CCSER1: variants seen among roughly 807,000 people sequenced by gnomAD.
The protein encoded by CCSER1 is coiled-coil serine rich protein 1, also known as serine-rich coiled-coil domain-containing protein 1.
Under a neutral mutation model 82.0 loss-of-function variants are expected in CCSER1, and 41 were observed. The observed-to-expected ratio is 0.50, with a 90% CI of 0.39 to 0.65. CCSER1 has a LOEUF of 0.65. CCSER1 is among the 30% of genes least tolerant of loss of function. CCSER1 has a pLI of 0.00. For synonymous variants in CCSER1, 414 were observed against 383.9 expected (o/e 1.08, Z -0.92); for missense variants, 1,119 against 1,064.2 (o/e 1.05, Z -0.72).
At chr4:90,458,191 C>T (rs1560547577) in intron 4 of CCSER1, among the ~76,000 whole-genome samples, 1 of 152,036 alleles carries the variant, frequency 6.6e-6, no homozygotes, top group African/African-American at 2.4e-5. Flanking sequence ...CTTAGGAGAG[C>T]CCCTCCAACT....
chr4:91,552,076 A>AGAT (rs1180035936), intron 10 of CCSER1, among the ~76,000 whole-genome samples: 1 of 151,744 alleles, frequency 6.6e-6, no homozygotes, highest in African/African-American at 2.4e-5. Flanking sequence ...TCATTTTTTA[A>AGAT]GATAAAAATT....
chr4:90,292,282 G>A (rs974700036), intron 1 of CCSER1, among the ~76,000 whole-genome samples: 6 of 151,680 alleles, frequency 4.0e-5, no homozygotes, highest in African/African-American at 1.2e-4. Context: ...CTTTGAACTA[G>A]AAAAAATGAT....
At chr4:91,358,758 C>T (rs1298704085) in intron 10 of CCSER1, among the ~76,000 whole-genome samples, 3 of 152,108 alleles carry the variant, frequency 2.0e-5, no homozygotes, top group African/African-American at 4.8e-5. Context: ...TAATCCTCCT[C>T]GGGGGCCTGC....
chr4:90,219,675 T>G (rs905033919), intron 1 of CCSER1, among the ~76,000 whole-genome samples: 3 of 152,158 alleles, frequency 2.0e-5, no homozygotes, highest in African/African-American at 7.2e-5. Flanking sequence ...CTACTTGTAT[T>G]GGGCATATGG....
intron 10 of CCSER1, among the ~76,000 whole-genome samples, chr4:91,420,094 G>A (rs547801731): frequency 6.6e-5 from 10 of 152,060 alleles, no homozygotes; most frequent in African/African-American, 2.4e-4. Context: ...AACTCTAAAA[G>A]TCCTAGAAGA....
chr4:91,151,781 G>A (rs961484802), intron 10 of CCSER1, among the ~76,000 whole-genome samples: 3 of 152,194 alleles, frequency 2.0e-5, no homozygotes, highest in Admixed American at 2.0e-4. Flanking sequence ...TAGTTGAGGG[G>A]TTTTGAGTTA....
At chr4:91,480,200 C>T (rs1457523824) in intron 10 of CCSER1, among the ~76,000 whole-genome samples, 1 of 151,950 alleles carries the variant, frequency 6.6e-6, no homozygotes, top group Non-Finnish European at 1.5e-5. Context: ...CCGCAATGAA[C>T]ATACATGTGC....
At chr4:90,659,652 A>C (rs935963616) in intron 6 of CCSER1, among the ~76,000 whole-genome samples, 2 of 152,110 alleles carry the variant, frequency 1.3e-5, no homozygotes, top group African/African-American at 4.8e-5. Flanking sequence ...AACATTGCAT[A>C]ATGAATATTA....
At chr4:91,182,054 G>A (rs1226424834) in intron 10 of CCSER1, among the ~76,000 whole-genome samples, 1 of 152,166 alleles carries the variant, frequency 6.6e-6, no homozygotes, top group Admixed American at 6.5e-5. Flanking sequence ...ACTTTTGTTA[G>A]GTTGTCTTTC....
rs535157612 is a variant in CCSER1, at chr4:90,609,694, A to G, written c.1725-18331A>G. On this transcript the variant is annotated intron_variant, in intron 5 of 10. Transcript: ENST00000509176. ...GCATTAGATACCTGTCTCTAAATCT[A>G]GCTATCATAGAGATGTTTCGCATGG... is the stretch of plus-strand genomic sequence containing the variant. Among the ~76,000 whole-genome samples the G allele has an allele frequency of 3.3e-5, 5 of 152,266 alleles. No homozygotes were observed. In the East Asian group the frequency reaches 7.7e-4, roughly 24 times the overall value.
intron 10 of CCSER1, among the ~76,000 whole-genome samples, chr4:91,375,594 A>G (rs56073866): frequency 6.6e-6 from 1 of 151,858 alleles, no homozygotes. Context: ...TTCAACTACA[A>G]TGCTTTTCAT....
At chr4:91,517,979 T>A (rs1760238996) in intron 10 of CCSER1, among the ~76,000 whole-genome samples, 1 of 152,126 alleles carries the variant, frequency 6.6e-6, no homozygotes, top group African/African-American at 2.4e-5. Flanking sequence ...AGCATAATGA[T>A]CAGTAGGTAG....
At chr4:90,941,267 G>C (rs768085791) in intron 9 of CCSER1, among the ~76,000 whole-genome samples, 2 of 151,964 alleles carry the variant, frequency 1.3e-5, no homozygotes, top group Non-Finnish European at 2.9e-5. Flanking sequence ...AATTTAATTT[G>C]AATCACCAAG....
intron 6 of CCSER1, among the ~76,000 whole-genome samples, chr4:90,674,880 C>T (rs1045848606): frequency 6.6e-6 from 1 of 151,622 alleles, no homozygotes; most frequent in Non-Finnish European, 1.5e-5. Context: ...AAACAAAGAC[C>T]CTCCTGACCC....
chr4:91,297,393 G>GTGTA (rs1560573870), intron 10 of CCSER1, among the ~76,000 whole-genome samples: 2 of 135,376 alleles, frequency 1.5e-5, no homozygotes, highest in Admixed American at 8.1e-5. Context: ...GTATGTGTGT[G>GTGTA]TGTGTGTGTG....
chr4:91,591,647 CTGTCATT>C (rs778342304), intron 10 of CCSER1, among the ~76,000 whole-genome samples: 18 of 152,060 alleles, frequency 1.2e-4, no homozygotes, highest in Non-Finnish European at 2.5e-4. Flanking sequence ...ATTATGACCA[CTGTCATT>C]TGTATTTCAG....
At chr4:90,151,712 C>A (rs1157581241) in intron 1 of CCSER1, among the ~76,000 whole-genome samples, 2 of 152,114 alleles carry the variant, frequency 1.3e-5, no homozygotes, top group Non-Finnish European at 2.9e-5. Flanking sequence ...GAGATCATTA[C>A]ATCAATAGAT....
intron 9 of CCSER1, among the ~76,000 whole-genome samples, chr4:91,079,602 T>A (rs1345529989): frequency 1.3e-5 from 2 of 151,996 alleles, no homozygotes; most frequent in East Asian, 3.9e-4. Flanking sequence ...GGCTAAATGC[T>A]CCAAATAAAA....
chr4:91,178,763 T>G (rs1399506456), intron 10 of CCSER1, among the ~76,000 whole-genome samples: 1 of 152,202 alleles, frequency 6.6e-6, no homozygotes, highest in Admixed American at 6.5e-5. Flanking sequence ...TTTATCTAAT[T>G]TGCCAGTCTG....
Sources: gnomAD v4.1 joint callset for allele counts (sites outside exome capture counted in the v4.1 genomes callset) on GRCh38, gnomAD v4.1.1 for gene constraint, MANE v1.5 for transcripts, NCBI Gene and HGNC (gene_info 2026-07-23, HGNC 2026-07-21) for gene names.